The following FLRT1 variants were observed in gnomAD, a reference collection of about 807,000 sequenced individuals.
FLRT1 encodes the protein leucine-rich repeat transmembrane protein FLRT1.
A neutral mutation model predicts 30.9 loss-of-function variants in FLRT1; 14 were observed. The observed-to-expected ratio is 0.45, with a 90% CI of 0.30 to 0.71. The LOEUF (loss-of-function observed/expected upper bound fraction) is 0.71, where lower values mean the gene tolerates loss of function less well. Ranked by LOEUF, FLRT1 falls within the 30% of genes least tolerant of loss-of-function variation. FLRT1 has a pLI of 0.08. For missense variants in FLRT1, 737 were observed against 949.2 expected (o/e 0.78, Z 2.94); for synonymous variants, 368 against 430.4 (o/e 0.85, Z 1.80).
chr11:64,045,003 G>A (rs1477697692), intron 1 of FLRT1, among the ~76,000 whole-genome samples: 2 of 152,236 alleles, frequency 1.3e-5, no homozygotes, highest in Non-Finnish European at 2.9e-5. Context: ...GCACTTTGGA[G>A]CCAGGTGGGA....
chr11:64,115,152 T>A (rs1267542931), intron 2 of FLRT1, among the ~76,000 whole-genome samples: 2 of 152,196 alleles, frequency 1.3e-5, no homozygotes, highest in Non-Finnish European at 2.9e-5. Flanking sequence ...TACAGCAGAC[T>A]TTTGCTGGCT....
chr11:64,116,198 C>T (rs1944976107), intron 2 of FLRT1, 21 bp from the exon 3 acceptor site: 1 of 1,535,388 alleles, frequency 6.5e-7, no homozygotes, highest in Admixed American at 1.9e-5. Flanking sequence ...TCTCACTGCC[C>T]CTGTCCTGTG....
In FLRT1 at chr11:64,090,466, CCT is replaced by C. The variant is rs1944469372; in HGVS notation, c.-1037-12727_-1037-12726del. 6.6e-6 allele frequency among the ~76,000 whole-genome samples: 1 copy of C among 152,168 alleles called. No individual in the cohort carries two copies. Among genetic ancestry groups the C allele is most frequent in the Non-Finnish European group, 1.5e-5 (1 of 68,012 alleles). The stretch of plus-strand genomic sequence containing the variant: ...GTCGATAATAATTTACGAGGCAGCC[CCT>C]GAGGTGGAGGAGGAGGAGGAGGCCA... On this transcript the variant is annotated intron_variant, in intron 1 of 2. Coordinates refer to ENST00000682287, the MANE Select transcript of FLRT1 (RefSeq NM_013280.5). This position sits in a 1 kb window ranked among gnomAD's most constrained non-coding sequence, Gnocchi z 4.7.
In FLRT1 at chr11:64,116,435, G is replaced by A. The variant is rs766952943; in HGVS notation, c.168G>A (p.Ser56=). ...TEVIDSTTCP[S]VCRCDNGFIY... ...TCATCGACAGCACCACCTGCCCCTC[G>A]GTGTGCCGCTGCGACAACGGCTTCA... The change falls in exon 3 of 3, where the codon TCG becomes TCA. Residue 56 remains serine (S), a synonymous_variant. Coordinates refer to ENST00000682287, the MANE Select transcript of FLRT1 (RefSeq NM_013280.5). 5 of 1,613,992 alleles carry A rather than the reference G, an allele frequency of 3.1e-6. No homozygotes were observed. Among genetic ancestry groups the A allele is most frequent in the East Asian group, 2.2e-5 (1 of 44,880 alleles).
At chr11:64,066,830 G>A (rs957639009) in intron 1 of FLRT1, among the ~76,000 whole-genome samples, 2 of 152,158 alleles carry the variant, frequency 1.3e-5, no homozygotes, top group African/African-American at 2.4e-5. Context: ...GAGGCAACTT[G>A]AGGCTCAGAC....
intron 1 of FLRT1, among the ~76,000 whole-genome samples, chr11:64,068,177 C>T (rs1336542903): frequency 1.3e-5 from 2 of 152,236 alleles, no homozygotes; most frequent in African/African-American, 2.4e-5. Flanking sequence ...ACTCACGCTT[C>T]GGGAGTGTTG....
At chr11:64,098,131 T>A (rs582692) in intron 1 of FLRT1, among the ~76,000 whole-genome samples, 26,889 of 152,180 alleles carry the variant, frequency 0.18, 2,939 homozygotes, top group Non-Finnish European at 0.24. Context: ...CAGGTCTCCA[T>A]GCAGCAGCGA....
intron 1 of FLRT1, among the ~76,000 whole-genome samples, chr11:64,078,497 G>C (rs914843181): frequency 3.3e-5 from 5 of 152,312 alleles, no homozygotes; most frequent in East Asian, 3.9e-4. Context: ...ATTCCACCCC[G>C]GCCTCCCCTT....
chr11:64,118,506 C>T lies in FLRT1; in HGVS notation c.*214C>T, dbSNP rs969055393. On this transcript the variant is annotated 3_prime_UTR_variant, in exon 3 of 3. Coordinates refer to ENST00000682287, the MANE Select transcript of FLRT1 (RefSeq NM_013280.5). ...AGAATAGAAGGCAGGAGGGGGAATT[C>T]GACATTGTTGAAGACATAATTTATA... is the stretch of plus-strand genomic sequence containing the variant. 8 of 484,106 alleles carry T rather than the reference C, an allele frequency of 1.7e-5. No homozygotes were observed. Among genetic ancestry groups the T allele is most frequent in the African/African-American group, 1.4e-4 (7 of 51,318 alleles). The allele number at this position is 484,106 out of a possible 1,614,324, so 30.0% of individuals were successfully genotyped here.
At chr11:64,061,504 C>G (rs1463362634) in intron 1 of FLRT1, among the ~76,000 whole-genome samples, 1 of 152,158 alleles carries the variant, frequency 6.6e-6, no homozygotes, top group African/African-American at 2.4e-5. Flanking sequence ...CCAGGCAGCT[C>G]CTCCCCGGCT....
At chr11:64,084,312 G>A (rs939853921) in intron 1 of FLRT1, among the ~76,000 whole-genome samples, 2 of 152,150 alleles carry the variant, frequency 1.3e-5, no homozygotes, top group African/African-American at 4.8e-5. Flanking sequence ...ACATGTGTGA[G>A]AGTGGGGGAT....
chr11:64,117,971 G>T lies in FLRT1; in HGVS notation c.1704G>T (p.Leu568=). The change falls in exon 3 of 3, where the codon CTG becomes CTT. Residue 568 remains leucine (L), a synonymous_variant. Coordinates refer to ENST00000682287, the MANE Select transcript of FLRT1 (RefSeq NM_013280.5). ...CAGTGGCTCTGGTCTTCCTCTTCCT[G>T]GTCCTGGGGGCCATCTGCTGGTACG... ...GGAVALVFLF[L]VLGAICWYVH... 1 of 1,613,770 alleles carries T rather than the reference G, an allele frequency of 6.2e-7. No individual in the cohort carries two copies. The highest frequency in any genetic ancestry group is 8.5e-7 in the Non-Finnish European group (1 of 1,180,016).
Position 64,117,286 on chromosome 11 carries a change from G to A in FLRT1, c.1019G>A (p.Arg340Gln). Residue 340 changes from arginine (R) to glutamine (Q), a missense_variant, in exon 3 of 3, where the codon CGG becomes CAG. Arg to Gln is a conservative substitution (Grantham distance 43). Coordinates refer to ENST00000682287, the MANE Select transcript of FLRT1 (RefSeq NM_013280.5). ...TGTGGCTGCAACCTCATGTGGCTGC[G>A]GGACTGGGTGAAGGCACGGGCGGCC... is the stretch of plus-strand genomic sequence containing the variant. ...WFCGCNLMWLRDWVKARAAVV... is the reference protein window; with the variant it reads ...WFCGCNLMWLQDWVKARAAVV... 7 of 1,614,174 alleles carry A rather than the reference G, an allele frequency of 4.3e-6. No homozygotes were observed. Among genetic ancestry groups the A allele is most frequent in the South Asian group, 1.1e-5 (1 of 91,086 alleles).
chr11:64,101,070 C>T (rs557482453), intron 1 of FLRT1, among the ~76,000 whole-genome samples: 1 of 152,194 alleles, frequency 6.6e-6, no homozygotes, highest in South Asian at 2.1e-4. Flanking sequence ...GGAGACAATT[C>T]TTTTCATGCT....
At chr11:64,085,148 G>T (rs574461662) in intron 1 of FLRT1, among the ~76,000 whole-genome samples, 1 of 152,234 alleles carries the variant, frequency 6.6e-6, no homozygotes, top group East Asian at 1.9e-4. Context: ...GTTCTGGGCA[G>T]AGGATGGGGC....
At chr11:64,081,681 G>A (rs1473445123) in intron 1 of FLRT1, 2 of 152,172 alleles carry the variant, frequency 1.3e-5, no homozygotes, top group Non-Finnish European at 2.9e-5. Flanking sequence ...TTTTCTGCTT[G>A]AACCATGCAG....
chr11:64,118,218 C>T lies in FLRT1; in HGVS notation c.1951C>T (p.His651Tyr). The T allele has an allele frequency of 6.2e-7, 1 of 1,613,132 alleles. No homozygotes were observed. Among genetic ancestry groups the T allele is most frequent in the Non-Finnish European group, 8.5e-7 (1 of 1,179,754 alleles). Residue 651 changes from histidine (H) to tyrosine (Y), a missense_variant, in exon 3 of 3, where the codon CAC becomes TAC. By Grantham distance (83) the His-to-Tyr change is moderately conservative (BLOSUM62 2). Coordinates refer to ENST00000682287, the MANE Select transcript of FLRT1 (RefSeq NM_013280.5). ...CGGCAGCAGCCTCTGCAAGGCCACA[C>T]ACACCATTGGCTACGGCACCACGCG... ...SNGSSLCKAT[H>Y]TIGYGTTRGY...
chr11:64,096,311 C>A lies in FLRT1; in HGVS notation c.-1037-6883C>A, dbSNP rs993333676. On this transcript the variant is annotated intron_variant, in intron 1 of 2. Transcript: ENST00000682287. This position sits in a 1 kb window ranked among gnomAD's most constrained non-coding sequence, Gnocchi z 4.6. ...TTGGCTGGTGGCGCCAGGTTCATCA[C>A]CCCGAGCTTCCTCTAGGCTGGACAC... Among the ~76,000 whole-genome samples, 21 of 152,222 alleles carry A rather than the reference C, an allele frequency of 1.4e-4. No individual in the cohort carries two copies. The highest frequency in any genetic ancestry group is 2.2e-4 in the Non-Finnish European group (15 of 68,046).
intron 1 of FLRT1, among the ~76,000 whole-genome samples, chr11:64,086,393 C>T (rs539113264): frequency 1.3e-5 from 2 of 152,166 alleles, no homozygotes; most frequent in African/African-American, 4.8e-5. Flanking sequence ...CCCCCGAGCT[C>T]AGAGGATGGA....
Sources: allele counts gnomAD v4.1 joint callset (sites outside exome capture counted in the v4.1 genomes callset), GRCh38; gene constraint gnomAD v4.1.1; non-coding constraint Gnocchi (gnomAD v3.1); transcripts MANE v1.5; gene names NCBI Gene and HGNC (gene_info 2026-07-23, HGNC 2026-07-21).